Variants in HIPK2 observed in about 807,000 individuals in gnomAD.
HIPK2 encodes homeodomain interacting protein kinase 2, also known as homeodomain-interacting protein kinase 2.
A neutral mutation model predicts 113.7 loss-of-function variants in HIPK2; 27 were observed. The ratio of observed to expected loss-of-function variants is 0.24; its 90% confidence interval spans 0.17 to 0.33. HIPK2 has a LOEUF of 0.33. HIPK2 is among the 10% of genes least tolerant of loss of function. The probability of loss-of-function intolerance (pLI) is 1.00; values close to 1 mark genes in which losing one functional copy is unlikely to be tolerated. For missense variants in HIPK2, 1,257 were observed against 1,588.0 expected, an observed-to-expected ratio of 0.79 and a Z score of 3.54; for synonymous variants, 631 against 642.2, an observed-to-expected ratio of 0.98 and a Z score of 0.26.
intron 1 of HIPK2, among the ~76,000 whole-genome samples, chr7:139,731,249 G>C (rs1195746583): frequency 6.6e-6 from 1 of 152,226 alleles, no homozygotes; most frequent in African/African-American, 2.4e-5. Flanking sequence ...CTCCCGGCCT[G>C]TGTCTGTGGC....
At chr7:139,682,043 C>T (rs763119148) in intron 2 of HIPK2, among the ~76,000 whole-genome samples, 1 of 152,152 alleles carries the variant, frequency 6.6e-6, no homozygotes, top group Non-Finnish European at 1.5e-5. Flanking sequence ...TGGTACAGAC[C>T]CTGGGCCATG....
At chr7:139,697,823 C>T (rs1017349137) in intron 2 of HIPK2, among the ~76,000 whole-genome samples, 7,384 of 151,960 alleles carry the variant, frequency 0.049, 377 homozygotes, top group South Asian at 0.23. Flanking sequence ...TCCTATTATC[C>T]CCTCCTCCCA....
intron 2 of HIPK2, among the ~76,000 whole-genome samples, chr7:139,680,366 C>T (rs944622294): frequency 1.3e-5 from 2 of 152,192 alleles, no homozygotes; most frequent in African/African-American, 4.8e-5. Flanking sequence ...TGGAGGAGAG[C>T]CCTCCCCTGG....
At chr7:139,585,011 A>G (rs548977360) in intron 12 of HIPK2, among the ~76,000 whole-genome samples, 2 of 152,350 alleles carry the variant, frequency 1.3e-5, no homozygotes, top group Admixed American at 6.5e-5. Flanking sequence ...ACTCAGTGAG[A>G]GGCTGCTGGC....
chr7:139,685,856 A>G (rs1794200598), intron 2 of HIPK2, among the ~76,000 whole-genome samples: 1 of 152,236 alleles, frequency 6.6e-6, no homozygotes, highest in Non-Finnish European at 1.5e-5. Flanking sequence ...AGGATCTCTG[A>G]TGGAGATGTA....
At chr7:139,702,237 C>G (rs1285623831) in intron 2 of HIPK2, among the ~76,000 whole-genome samples, 2 of 152,156 alleles carry the variant, frequency 1.3e-5, no homozygotes, top group Non-Finnish European at 2.9e-5. Context: ...CCTGAAAACC[C>G]ACATCTTACA....
intron 2 of HIPK2, among the ~76,000 whole-genome samples, chr7:139,703,740 G>GCCA (rs1794781886): frequency 2.1e-5 from 1 of 46,846 alleles, no homozygotes; most frequent in African/African-American, 9.3e-5. Flanking sequence ...ATACACACCC[G>GCCA]ACACACACCA....
chr7:139,613,268 T>A lies in HIPK2; in HGVS notation c.2046A>T (p.Ala682=). The change falls in exon 9 of 15, where the codon GCA becomes GCT. Residue 682 remains alanine, a synonymous_variant. Coordinates refer to ENST00000406875, the MANE Select transcript of HIPK2 (RefSeq NM_022740.5). This position sits in a 1 kb window ranked among gnomAD's most constrained non-coding sequence, Gnocchi z 4.2. Reference sequence around the variant, plus strand: ...CTGGGGCTTGAGTGACGATGGGAACTGCATTTTCCATTCGCACCGAGTAGC... The same window carrying A: ...CTGGGGCTTGAGTGACGATGGGAACAGCATTTTCCATTCGCACCGAGTAGC... The part of the protein sequence containing the change: ...HAGYSVRMEN[A]VPIVTQAPGA... 1 of 1,613,816 alleles carries A rather than the reference T, an allele frequency of 6.2e-7. No individual in the cohort carries two copies. Among genetic ancestry groups the A allele is most frequent in the Non-Finnish European group, 8.5e-7 (1 of 1,179,830 alleles).
intron 2 of HIPK2, among the ~76,000 whole-genome samples, chr7:139,662,993 C>CCA (rs1177821854): frequency 6.6e-6 from 1 of 152,190 alleles, no homozygotes; most frequent in Non-Finnish European, 1.5e-5. Context: ...CTCTGACTAT[C>CCA]AGGGCTCTCC....
intron 9 of HIPK2, among the ~76,000 whole-genome samples, chr7:139,607,987 C>T (rs1799680236): frequency 6.6e-6 from 1 of 152,036 alleles, no homozygotes; most frequent in African/African-American, 2.4e-5. Flanking sequence ...ACCTGTAATC[C>T]CAGCACTTTG....
chr7:139,654,396 G>A (rs925393946), intron 2 of HIPK2, among the ~76,000 whole-genome samples: 5 of 152,030 alleles, frequency 3.3e-5, no homozygotes, highest in African/African-American at 7.3e-5. Context: ...ACCTATAGTC[G>A]CAGCTACTCT....
intron 2 of HIPK2, among the ~76,000 whole-genome samples, chr7:139,677,071 G>C (rs1257085177): frequency 9.9e-5 from 15 of 151,858 alleles, no homozygotes; most frequent in Non-Finnish European, 1.9e-4. Context: ...ATGTTGGCCA[G>C]GCTGGTCTCG....
At chr7:139,749,467 G>A (rs1332479532) in intron 1 of HIPK2, among the ~76,000 whole-genome samples, 1 of 151,020 alleles carries the variant, frequency 6.6e-6, no homozygotes, top group Non-Finnish European at 1.5e-5. Context: ...TTGCACAAGT[G>A]AATTTGTCTC....
intron 12 of HIPK2, among the ~76,000 whole-genome samples, chr7:139,591,757 A>C (rs976948279): frequency 2.0e-5 from 3 of 152,192 alleles, no homozygotes; most frequent in Non-Finnish European, 4.4e-5. Context: ...GATGTATTGT[A>C]CTCAAAATGG....
intron 1 of HIPK2, among the ~76,000 whole-genome samples, chr7:139,746,581 A>G (rs1278237019): frequency 6.6e-6 from 1 of 152,192 alleles, no homozygotes; most frequent in Non-Finnish European, 1.5e-5. Context: ...CTGACTACTT[A>G]TTGATGTCCC....
At chr7:139,671,061 C>T (rs1017034606) in intron 2 of HIPK2, among the ~76,000 whole-genome samples, 2 of 152,006 alleles carry the variant, frequency 1.3e-5, no homozygotes, top group African/African-American at 4.8e-5. Context: ...GCACCCGGCC[C>T]AAAATAGGTT....
chr7:139,724,261 A>G (rs1421236483), intron 1 of HIPK2, among the ~76,000 whole-genome samples: 2 of 152,188 alleles, frequency 1.3e-5, no homozygotes, highest in Non-Finnish European at 2.9e-5. Flanking sequence ...AAGTACTTGG[A>G]AAGTTTCCTT....
At chr7:139,773,276 T>C (rs1469791574) in intron 1 of HIPK2, among the ~76,000 whole-genome samples, 2 of 152,196 alleles carry the variant, frequency 1.3e-5, no homozygotes, top group Non-Finnish European at 2.9e-5. Flanking sequence ...GGGTTTCTTT[T>C]ATAGGAAAAA....
At chr7:139,626,172 G>A (rs1800422888) in intron 6 of HIPK2, among the ~76,000 whole-genome samples, 2 of 150,646 alleles carry the variant, frequency 1.3e-5, no homozygotes, top group South Asian at 4.2e-4. Context: ...GCGCGATCTC[G>A]GCTCACTGCA....
Sources: gnomAD v4.1 joint callset for allele counts (sites outside exome capture counted in the v4.1 genomes callset) on GRCh38, gnomAD v4.1.1 for gene constraint, Gnocchi (gnomAD v3.1) non-coding constraint, MANE v1.5 for transcripts, NCBI Gene and HGNC (gene_info 2026-07-23, HGNC 2026-07-21) for gene names.